ORC1: variants seen among roughly 807,000 people sequenced by gnomAD.
ORC1 encodes the protein origin recognition complex subunit 1.
Under a neutral mutation model 98.9 loss-of-function variants are expected in ORC1, and 61 were observed. The ratio of observed to expected loss-of-function variants is 0.62; its 90% CI spans 0.50 to 0.76. ORC1 has a LOEUF of 0.76. Ranked by LOEUF, ORC1 falls within the 30% of genes least tolerant of loss-of-function variation. ORC1 has a pLI of 0.00. For synonymous variants in ORC1, 385 were observed against 406.9 expected, an observed-to-expected ratio of 0.95 and a Z score of 0.65; for missense variants, 979 against 1,072.2, an observed-to-expected ratio of 0.91 and a Z score of 1.21.
At chr1:52,405,399 C>A (rs573540106), upstream of ORC1, among the ~76,000 whole-genome samples, 5 of 152,194 alleles carry the variant, frequency 3.3e-5, no homozygotes, top group Non-Finnish European at 7.3e-5. Flanking sequence ...CCTTTCTTAG[C>A]CCTCATTTTC....
intron 3 of ORC1, among the ~76,000 whole-genome samples, chr1:52,399,713 CAGG>C (rs962310404): frequency 1.4e-4 from 21 of 151,386 alleles, no homozygotes; most frequent in Admixed American, 8.6e-4. Flanking sequence ...GAGGCTGAGG[CAGG>C]AGAACTGCTT....
chr1:52,375,762 C>G (rs895526827), intron 14 of ORC1, among the ~76,000 whole-genome samples, 163 bp from the exon 15 acceptor site: 2 of 152,240 alleles, frequency 1.3e-5, no homozygotes, highest in African/African-American at 2.4e-5. Context: ...GCATGGGACT[C>G]TAATCCTCTA....
Position 52,396,195 on chromosome 1 carries a change from C to T in ORC1, c.572G>A (p.Arg191Lys). The change falls in exon 5 of 17, where the codon AGA becomes AAA. Residue 191 changes from arginine to lysine, a missense_variant. Transcript: ENST00000371568. ...GCTCTCTGCACTCTTACTCTTGGCTCTCACGGGTTTCTGGCACTTGGCTGC... is the reference window on the plus strand; with the variant it reads ...GCTCTCTGCACTCTTACTCTTGGCTTTCACGGGTTTCTGGCACTTGGCTGC... ...ESAAKCQKPV[R>K]AKSKSAESPS... The T allele has an allele frequency of 6.2e-7, 1 of 1,614,164 alleles. No individual in the cohort carries two copies. The highest frequency in any genetic ancestry group is 8.5e-7 in the Non-Finnish European group (1 of 1,180,030).
rs747423424 is a variant in ORC1, at chr1:52,401,369, G to A, written c.216C>T (p.Phe72=). The part of the protein sequence containing the change: ...NPYVAKLLEL[F]EDDSDPPPKK... ...TTCCAGTCCCAAACTCACCATCTTC[G>A]AACAACTCAAGCAATTTAGCAACAT... The change falls in exon 3 of 17, where the codon TTC becomes TTT. Residue 72 remains phenylalanine (F), a synonymous_variant. Transcript: ENST00000371568. The A allele has an allele frequency of 1.2e-5, 20 of 1,613,526 alleles. No homozygotes were observed. The highest frequency in any genetic ancestry group is 1.4e-5 in the Non-Finnish European group (17 of 1,179,992).
chr1:52,377,392 A>G (rs7532695), intron 14 of ORC1, among the ~76,000 whole-genome samples: 334 of 152,248 alleles, frequency 2.2e-3, no homozygotes, highest in African/African-American at 7.7e-3. Flanking sequence ...CTCCCACCTC[A>G]GCTTCCCAAG....
chr1:52,375,049 A>C (rs1646976606), intron 15 of ORC1, 152 bp from the exon 16 acceptor site: 1 of 650,176 alleles, frequency 1.5e-6, no homozygotes, highest in Non-Finnish European at 2.7e-6. Context: ...CCTGACCCCC[A>C]AACTCTCAAA....
At chr1:52,382,147 T>G (rs1647079493) in intron 13 of ORC1, among the ~76,000 whole-genome samples, 1 of 151,920 alleles carries the variant, frequency 6.6e-6, no homozygotes, top group Admixed American at 6.5e-5. Flanking sequence ...CCCAGCTAAT[T>G]TTTTTGTATT....
intron 3 of ORC1, 98 bp from the exon 4 acceptor site, chr1:52,397,961 T>C: frequency 8.4e-7 from 1 of 1,189,250 alleles, no homozygotes; most frequent in Non-Finnish European, 1.3e-6. Flanking sequence ...ACCCTTGACA[T>C]GTGTGGTTTT....
intron 3 of ORC1, among the ~76,000 whole-genome samples, chr1:52,400,291 A>G (rs1387893743): frequency 2.0e-5 from 3 of 152,170 alleles, no homozygotes; most frequent in Admixed American, 6.5e-5. Flanking sequence ...ACACACACAT[A>G]CTGTACAGCA....
chr1:52,399,966 G>A lies in ORC1; in HGVS notation c.223+1396C>T, dbSNP rs76340661. ...GCTCCAACCGAAAGAACACTCATTAGTGCCTCATCATCATCCTCTCTTCCC... is the reference window on the plus strand; with the variant it reads ...GCTCCAACCGAAAGAACACTCATTAATGCCTCATCATCATCCTCTCTTCCC... On this transcript the variant is annotated intron_variant, in intron 3 of 16. Coordinates refer to ENST00000371568, the MANE Select transcript of ORC1 (RefSeq NM_004153.4). Among the ~76,000 whole-genome samples the A allele has an allele frequency of 1.4e-4, 22 of 152,300 alleles. 1 individual carries two copies. In the East Asian group the frequency reaches 3.7e-3, roughly 25 times the overall value.
chr1:52,401,598 G>A, intron 2 of ORC1, 109 bp from the exon 3 acceptor site: 1 of 1,300,436 alleles, frequency 7.7e-7, no homozygotes, highest in Non-Finnish European at 1.1e-6. Context: ...TCTTTCTGCT[G>A]ACCAACTCTC....
chr1:52,408,058 G>GAAAT (rs977904411), upstream of ORC1, among the ~76,000 whole-genome samples: 44 of 147,410 alleles, frequency 3.0e-4, no homozygotes, highest in African/African-American at 9.6e-4. Context: ...TCTGTCTCAA[G>GAAAT]AAATAAATAA....
intron 8 of ORC1, among the ~76,000 whole-genome samples, chr1:52,387,541 T>C (rs1647159352): frequency 1.3e-5 from 2 of 152,182 alleles, no homozygotes; most frequent in Admixed American, 1.3e-4. Flanking sequence ...CACTGAAACC[T>C]CTGCCTCGCA....
At chr1:52,393,989 T>C (rs1205869290) in intron 5 of ORC1, among the ~76,000 whole-genome samples, 186 bp from the exon 6 acceptor site, 1 of 152,230 alleles carries the variant, frequency 6.6e-6, no homozygotes, top group Admixed American at 6.5e-5. Flanking sequence ...ACCTAAATTT[T>C]AGGAGTGATT....
chr1:52,376,439 T>C (rs913148136), intron 14 of ORC1, among the ~76,000 whole-genome samples: 2 of 151,864 alleles, frequency 1.3e-5, no homozygotes, highest in African/African-American at 4.8e-5. Context: ...CACTTGAACC[T>C]GGGAGGTGGA....
At chr1:52,403,312 C>G (rs1266946825) in intron 1 of ORC1, among the ~76,000 whole-genome samples, 3 of 152,180 alleles carry the variant, frequency 2.0e-5, no homozygotes, top group Non-Finnish European at 2.9e-5. Context: ...TAATCCCTTG[C>G]ATTTATTTGT....
chr1:52,379,053 T>G (rs1647029706), intron 14 of ORC1, among the ~76,000 whole-genome samples: 1 of 151,374 alleles, frequency 6.6e-6, no homozygotes, highest in Non-Finnish European at 1.5e-5. Flanking sequence ...ATTATAATAA[T>G]AATAATTCTG....
intron 8 of ORC1, among the ~76,000 whole-genome samples, chr1:52,387,570 G>A (rs749655424): frequency 5.3e-5 from 8 of 152,120 alleles, no homozygotes; most frequent in African/African-American, 7.2e-5. Context: ...TGATTCTCCC[G>A]CCTCAGCCTC....
intron 7 of ORC1, 133 bp from the exon 8 acceptor site, chr1:52,388,770 GACA>G: frequency 2.6e-6 from 2 of 761,614 alleles, no homozygotes; most frequent in South Asian, 2.9e-5. Flanking sequence ...TTGCTACCGA[GACA>G]CTCTGTTAGG....
Sources: allele counts gnomAD v4.1 joint callset (sites outside exome capture counted in the v4.1 genomes callset), GRCh38; gene constraint gnomAD v4.1.1; transcripts MANE v1.5; gene names NCBI Gene and HGNC (gene_info 2026-07-23, HGNC 2026-07-21).